The following FSTL4 variants were observed in gnomAD, a reference collection of about 807,000 sequenced individuals.
FSTL4 encodes the protein follistatin-related protein 4.
Under a neutral mutation model 78.2 loss-of-function variants are expected in FSTL4, and 28 were observed. The observed-to-expected ratio is 0.36, with a 90% confidence interval of 0.27 to 0.49. The LOEUF (loss-of-function observed/expected upper bound fraction) is 0.49, where lower values mean the gene tolerates loss of function less well. Ranked by LOEUF, FSTL4 falls within the 20% of genes least tolerant of loss-of-function variation. The pLI, the probability that FSTL4 is intolerant of heterozygous loss-of-function variation, is 0.98. For synonymous variants in FSTL4, 422 were observed against 440.5 expected, an observed-to-expected ratio of 0.96 and a Z score of 0.53; for missense variants, 922 against 1,084.9, an observed-to-expected ratio of 0.85 and a Z score of 2.11.
intron 3 of FSTL4, among the ~76,000 whole-genome samples, chr5:133,496,323 G>A (rs191037557): frequency 8.2e-4 from 125 of 152,306 alleles, no homozygotes; most frequent in African/African-American, 2.9e-3. Context: ...ATGTTAACTT[G>A]GAAGAGAAGA....
chr5:133,432,126 T>C (rs998456607), intron 3 of FSTL4, among the ~76,000 whole-genome samples: 1 of 152,122 alleles, frequency 6.6e-6, no homozygotes, highest in African/African-American at 2.4e-5. Context: ...TATACCTCCA[T>C]TCAAGCAGGG....
chr5:133,516,076 G>A (rs1160493269), intron 3 of FSTL4, among the ~76,000 whole-genome samples: 3 of 151,950 alleles, frequency 2.0e-5, no homozygotes, highest in African/African-American at 4.8e-5. Flanking sequence ...GACCAAGGAG[G>A]ACTTATTCTA....
chr5:133,425,485 C>G (rs1235367094), intron 3 of FSTL4, among the ~76,000 whole-genome samples: 4 of 152,178 alleles, frequency 2.6e-5, no homozygotes, highest in Non-Finnish European at 5.9e-5. Context: ...AAAGGGAAAG[C>G]TATGTCGAAT....
intron 4 of FSTL4, among the ~76,000 whole-genome samples, chr5:133,399,201 C>A (rs1036421477): frequency 6.6e-6 from 1 of 152,184 alleles, no homozygotes; most frequent in African/African-American, 2.4e-5. Context: ...CTATAAAATT[C>A]AACACGGCCA....
At chr5:133,602,562 AT>A (rs1760894525) in intron 2 of FSTL4, among the ~76,000 whole-genome samples, 1 of 152,216 alleles carries the variant, frequency 6.6e-6, no homozygotes, top group Non-Finnish European at 1.5e-5. Flanking sequence ...TATGTGTAGG[AT>A]TTAAGTGATC....
chr5:133,795,401 A>C, the FSTL4 span, among the ~76,000 whole-genome samples: 1 of 152,244 alleles, frequency 6.6e-6, no homozygotes, highest in African/African-American at 2.4e-5. Context: ...TTGTAAGTCC[A>C]CAAGGCTGTT....
At chr5:133,243,057 C>T (rs1751925576) in intron 7 of FSTL4, among the ~76,000 whole-genome samples, 1 of 152,178 alleles carries the variant, frequency 6.6e-6, no homozygotes, top group Non-Finnish European at 1.5e-5. Flanking sequence ...AGAGCATACG[C>T]TTCATTAGAA....
In FSTL4 at chr5:133,261,414, C is replaced by A. The variant is rs187828809; in HGVS notation, c.728-11838G>T. On this transcript the variant is annotated intron_variant, in intron 6 of 15. Coordinates refer to ENST00000265342, the MANE Select transcript of FSTL4 (RefSeq NM_015082.2). The stretch of plus-strand genomic sequence containing the variant: ...TAAGACATCCCCCAAATGGATGGAC[C>A]CCCCTCTTAGCCGAGAAGACCCCAG... 2.0e-5 allele frequency among the ~76,000 whole-genome samples: 3 copies of A among 152,120 alleles called. No individual in the cohort carries two copies. The East Asian group carries it at 5.8e-4, about 29-fold the overall frequency.
intron 2 of FSTL4, among the ~76,000 whole-genome samples, chr5:133,582,959 G>T (rs542357394): frequency 3.3e-5 from 5 of 152,066 alleles, no homozygotes; most frequent in Non-Finnish European, 7.4e-5. Flanking sequence ...TAGATGAAAG[G>T]GGCATACTCT....
the FSTL4 span, among the ~76,000 whole-genome samples, chr5:133,641,116 A>C: frequency 6.6e-6 from 1 of 152,174 alleles, no homozygotes; most frequent in African/African-American, 2.4e-5. Flanking sequence ...CCCTACAACC[A>C]TATGCAGCAG....
chr5:133,687,068 C>T, the FSTL4 span, among the ~76,000 whole-genome samples: 9 of 152,136 alleles, frequency 5.9e-5, no homozygotes, highest in Admixed American at 2.6e-4. Context: ...AGTGGCATGC[C>T]TGGGAGCCAC....
chr5:133,576,200 T>A (rs1013542286), intron 2 of FSTL4, among the ~76,000 whole-genome samples: 2 of 152,170 alleles, frequency 1.3e-5, no homozygotes, highest in South Asian at 4.1e-4. Flanking sequence ...TGAAAGAGTA[T>A]AAATGAGCAC....
intron 4 of FSTL4, among the ~76,000 whole-genome samples, chr5:133,372,590 A>C (rs1755336895): frequency 6.6e-6 from 1 of 152,194 alleles, no homozygotes; most frequent in African/African-American, 2.4e-5. Context: ...CCACAATTCC[A>C]AGCAACAGTT....
At chr5:133,431,061 G>T (rs1756926290) in intron 3 of FSTL4, among the ~76,000 whole-genome samples, 1 of 152,184 alleles carries the variant, frequency 6.6e-6, no homozygotes, top group South Asian at 2.1e-4. Context: ...ACCTAGAGGG[G>T]TGCATCATGA....
At chr5:133,495,655 G>A (rs938737658) in intron 3 of FSTL4, among the ~76,000 whole-genome samples, 1 of 152,152 alleles carries the variant, frequency 6.6e-6, no homozygotes, top group African/African-American at 2.4e-5. Context: ...CCCATGCTCT[G>A]CTCCGGGGAC....
intron 2 of FSTL4, among the ~76,000 whole-genome samples, chr5:133,601,027 C>T (rs1156921329): frequency 1.3e-5 from 2 of 152,172 alleles, no homozygotes; most frequent in Non-Finnish European, 2.9e-5. Context: ...ATAAACTACC[C>T]AGAAACTATA....
At chr5:133,523,555 C>T (rs183773618) in intron 3 of FSTL4, among the ~76,000 whole-genome samples, 3 of 151,392 alleles carry the variant, frequency 2.0e-5, no homozygotes, top group Admixed American at 6.6e-5. Context: ...CAGGCTGTTA[C>T]GCCTATTACA....
At chr5:133,390,415 G>A (rs1755814918) in intron 4 of FSTL4, among the ~76,000 whole-genome samples, 1 of 152,264 alleles carries the variant, frequency 6.6e-6, no homozygotes, top group African/African-American at 2.4e-5. Flanking sequence ...AGTAGTCACT[G>A]TTAAGCTCTG....
At chr5:133,680,565 A>G in the FSTL4 span, among the ~76,000 whole-genome samples, 1 of 152,198 alleles carries the variant, frequency 6.6e-6, no homozygotes, top group Non-Finnish European at 1.5e-5. Context: ...CTTCTTGATG[A>G]TCTCATAGAG....
Sources: allele counts gnomAD v4.1 joint callset (sites outside exome capture counted in the v4.1 genomes callset), GRCh38; gene constraint gnomAD v4.1.1; transcripts MANE v1.5; gene names NCBI Gene and HGNC (gene_info 2026-07-23, HGNC 2026-07-21).